Variants in TEK observed in about 807,000 individuals in gnomAD.
The protein encoded by TEK is TEK receptor tyrosine kinase.
A neutral mutation model predicts 131.8 loss-of-function variants in TEK; 43 were observed. The ratio of observed to expected loss-of-function variants is 0.33; its 90% CI spans 0.26 to 0.42. The LOEUF is 0.42. Ranked by LOEUF, TEK falls within the 10% of genes least tolerant of loss-of-function variation. The pLI, the probability that TEK is intolerant of heterozygous loss-of-function variation, is 1.00. For missense variants in TEK, 1,162 were observed against 1,384.4 expected, an observed-to-expected ratio of 0.84 and a Z score of 2.55; for synonymous variants, 580 against 491.6, an observed-to-expected ratio of 1.18 and a Z score of -2.38.
At chr9:27,147,594 C>T (rs1014788636) in intron 1 of TEK, among the ~76,000 whole-genome samples, 1 of 151,976 alleles carries the variant, frequency 6.6e-6, no homozygotes, top group African/African-American at 2.4e-5. Context: ...TAAAATTTAG[C>T]GTAACAATTT....
chr9:27,116,375 A>G (rs1274340814), intron 1 of TEK, among the ~76,000 whole-genome samples: 1 of 151,278 alleles, frequency 6.6e-6, no homozygotes, highest in Non-Finnish European at 1.5e-5. Context: ...TGCAAGCTCC[A>G]CCTCCCCGGT....
chr9:27,149,796 G>A (rs1823057843), intron 1 of TEK, among the ~76,000 whole-genome samples: 1 of 152,116 alleles, frequency 6.6e-6, no homozygotes, highest in Non-Finnish European at 1.5e-5. Flanking sequence ...AGCAGCATAA[G>A]GGTAGTTGGG....
chr9:27,113,343 C>A (rs1199958445), intron 1 of TEK, among the ~76,000 whole-genome samples: 2 of 152,146 alleles, frequency 1.3e-5, no homozygotes, highest in East Asian at 1.9e-4. Flanking sequence ...TGTAATACAG[C>A]ACTTTGGGAG....
chr9:27,159,484 A>G (rs1472953264), intron 2 of TEK, among the ~76,000 whole-genome samples: 2 of 152,180 alleles, frequency 1.3e-5, no homozygotes, highest in South Asian at 4.1e-4. Flanking sequence ...GCAGGCTACC[A>G]TTTTTGGAAA....
intron 1 of TEK, among the ~76,000 whole-genome samples, chr9:27,110,253 G>A (rs1279299850): frequency 6.6e-6 from 1 of 150,884 alleles, no homozygotes; most frequent in Non-Finnish European, 1.5e-5. Context: ...TGTTTGCCAT[G>A]TAGTAATTCA....
chr9:27,154,664 C>T (rs910628328), intron 1 of TEK, among the ~76,000 whole-genome samples: 1 of 152,142 alleles, frequency 6.6e-6, no homozygotes, highest in Admixed American at 6.5e-5. Flanking sequence ...TTTCAAGACT[C>T]ATCCTAGGAA....
chr9:27,133,755 CT>C (rs560540488), intron 1 of TEK, among the ~76,000 whole-genome samples: 236 of 152,244 alleles, frequency 1.6e-3, no homozygotes, highest in Non-Finnish European at 3.0e-3. Flanking sequence ...ATCTTTACCC[CT>C]ATTTTACCCC....
In TEK at chr9:27,197,315, G is replaced by A. The variant is rs1825063402; in HGVS notation, c.1625G>A (p.Gly542Glu). The change falls in exon 12 of 23, where the codon GGA becomes GAA. Residue 542 changes from glycine (G) to glutamate (E), a missense_variant and splice_region_variant. This residue lies in a region of TEK where 477 missense variants were observed against 471.0 expected (regional missense o/e 1.01). Transcript: ENST00000380036. Reference sequence around the variant, plus strand: ...TAATGATTTTTCTGGATTCTCCTAGGACTCCCTCCTCCAAGAGGTCTAAAT... The same window carrying A: ...TAATGATTTTTCTGGATTCTCCTAGAACTCCCTCCTCCAAGAGGTCTAAAT... ...PVRRFTTASI[G>E]LPPPRGLNLL... 1.2e-6 allele frequency: 2 copies of A among 1,613,804 alleles called. No homozygotes were observed.
At chr9:27,209,644 G>C (rs1036066250) in intron 16 of TEK, among the ~76,000 whole-genome samples, 2 of 152,190 alleles carry the variant, frequency 1.3e-5, no homozygotes, top group Non-Finnish European at 2.9e-5. Context: ...ATGAATGCCA[G>C]CAATCTAGTG....
chr9:27,147,232 T>G (rs1334172466), intron 1 of TEK, among the ~76,000 whole-genome samples: 1 of 152,192 alleles, frequency 6.6e-6, no homozygotes. Flanking sequence ...CACTGGGTAT[T>G]ATCAGGTTTT....
chr9:27,158,068 A>G lies in TEK; in HGVS notation c.290A>G (p.Asn97Ser). 1.2e-6 allele frequency: 2 copies of G among 1,614,176 alleles called. No individual in the cohort carries two copies. The highest frequency in any genetic ancestry group is 1.7e-6 in the Non-Finnish European group (2 of 1,180,030). ...AAGAGAGAAAAGGCTAGTAAGATCA[A>G]TGGTGCTTATTTCTGTGAAGGGCGA... is the stretch of plus-strand genomic sequence containing the variant. ...VWKREKASKI[N>S]GAYFCEGRVR... The change falls in exon 2 of 23, where the codon AAT becomes AGT. Residue 97 changes from asparagine to serine, a missense_variant. By Grantham distance (46) the Asn-to-Ser change is conservative. Coordinates refer to ENST00000380036, the MANE Select transcript of TEK (RefSeq NM_000459.5).
At chr9:27,218,263 T>TGGG (rs1825902664) in intron 19 of TEK, among the ~76,000 whole-genome samples, 1 of 148,914 alleles carries the variant, frequency 6.7e-6, no homozygotes, top group African/African-American at 2.5e-5. Flanking sequence ...GCCCCGAGGG[T>TGGG]GGTGACTTGT....
intron 11 of TEK, 150 bp downstream of exon 11, chr9:27,192,773 T>A (rs1255925474): frequency 4.8e-6 from 4 of 833,286 alleles, no homozygotes; most frequent in African/African-American, 1.7e-5. Flanking sequence ...GGTGGGAAAG[T>A]GACAGGAAGG....
At position 27,190,511 on chromosome 9, in the gene TEK, T is replaced by C. The variant is rs1252133552; in HGVS notation, c.1328-18T>C. The C allele has an allele frequency of 6.2e-7, 1 of 1,613,894 alleles. No individual in the cohort carries two copies. Among genetic ancestry groups the C allele is most frequent in the East Asian group, 2.2e-5 (1 of 44,870 alleles). On this transcript the variant is annotated intron_variant, in intron 9 of 22. Transcript: ENST00000380036. ...CTCAAAGCCGAAGGACTAATCTGCCTTCTGAAATTGTATTTAGTTCTTCCA... is the reference window on the plus strand; with the variant it reads ...CTCAAAGCCGAAGGACTAATCTGCCCTCTGAAATTGTATTTAGTTCTTCCA...
rs1285322582 is a variant in TEK at position 27,219,071 on chromosome 9, T to C, written c.3103+254T>C. 2.6e-5 allele frequency among the ~76,000 whole-genome samples: 4 copies of C among 152,218 alleles called. No individual in the cohort carries two copies. The East Asian group carries it at 7.7e-4, about 29-fold the overall frequency. On this transcript the variant is annotated intron_variant, in intron 20 of 22. Coordinates refer to ENST00000380036, the MANE Select transcript of TEK (RefSeq NM_000459.5). The stretch of plus-strand genomic sequence containing the variant: ...TATTAATTGGCTCCGCTTGTACAAG[T>C]TGCCAGGTTAACTTCTAAAACTCTT...
At chr9:27,118,863 CA>C (rs1405078287) in intron 1 of TEK, among the ~76,000 whole-genome samples, 1 of 152,130 alleles carries the variant, frequency 6.6e-6, no homozygotes, top group Non-Finnish European at 1.5e-5. Flanking sequence ...ACTTTGAAAG[CA>C]AAAGCCTCTC....
rs558189139 is a variant in TEK at position 27,170,484 on chromosome 9, G to A, written c.628+855G>A. Reference sequence around the variant, plus strand: ...TACAAAAAATACAAAAATTAGCCAGGCATGGTGATGCATGCCTGTAGTTCT... The same window carrying A: ...TACAAAAAATACAAAAATTAGCCAGACATGGTGATGCATGCCTGTAGTTCT... On this transcript the variant is annotated intron_variant, in intron 4 of 22. Coordinates refer to ENST00000380036, the MANE Select transcript of TEK (RefSeq NM_000459.5). Among the ~76,000 whole-genome samples, 6 of 152,254 alleles carry A rather than the reference G, an allele frequency of 3.9e-5. No homozygotes were observed. The East Asian group carries it at 5.8e-4, about 15-fold the overall frequency.
chr9:27,124,792 T>G (rs1257177156), intron 1 of TEK, among the ~76,000 whole-genome samples: 1 of 152,170 alleles, frequency 6.6e-6, no homozygotes, highest in Non-Finnish European at 1.5e-5. Context: ...AATGCTTAAA[T>G]TTAGAAAACA....
At chr9:27,144,417 C>A (rs1470277677) in intron 1 of TEK, among the ~76,000 whole-genome samples, 1 of 152,172 alleles carries the variant, frequency 6.6e-6, no homozygotes, top group Non-Finnish European at 1.5e-5. Context: ...CTGGTAGGGG[C>A]CCATGGGGAT....
Sources: gnomAD v4.1 joint callset for allele counts (sites outside exome capture counted in the v4.1 genomes callset) on GRCh38, gnomAD v4.1.1 for gene constraint, gnomAD v4.1.1 regional missense constraint, MANE v1.5 for transcripts, NCBI Gene and HGNC (gene_info 2026-07-23, HGNC 2026-07-21) for gene names.